SLC35A3: variants seen among roughly 807,000 people sequenced by gnomAD.
SLC35A3 encodes the protein UDP-N-acetylglucosamine transporter.
SLC35A3 carries 26 observed loss-of-function variants against 39.0 expected under a neutral mutation model. That is an observed-to-expected ratio of 0.67 (90% CI 0.49 to 0.92). The LOEUF is 0.92. Ranked by LOEUF, SLC35A3 falls within the 40% of genes least tolerant of loss-of-function variation. SLC35A3 has a pLI of 0.00. For synonymous variants in SLC35A3, 135 were observed against 133.1 expected, an observed-to-expected ratio of 1.01 and a Z score of -0.10; for missense variants, 299 against 371.6, an observed-to-expected ratio of 0.80 and a Z score of 1.61.
At chr1:99,979,184 T>A (rs1045296754) in intron 1 of SLC35A3, 1 of 152,200 alleles carries the variant, frequency 6.6e-6, no homozygotes, top group Non-Finnish European at 1.5e-5. Flanking sequence ...TCTCTCACAG[T>A]TCTGGAGACC....
chr1:99,984,197 C>T (rs1657619353), intron 1 of SLC35A3, among the ~76,000 whole-genome samples: 1 of 152,054 alleles, frequency 6.6e-6, no homozygotes, highest in African/African-American at 2.4e-5. Context: ...AGCATAAAAA[C>T]ACTTGTGTCT....
At chr1:99,993,917 T>C (rs570792104) in intron 2 of SLC35A3, among the ~76,000 whole-genome samples, 176 bp downstream of exon 2, 1 of 152,216 alleles carries the variant, frequency 6.6e-6, no homozygotes, top group Non-Finnish European at 1.5e-5. Context: ...CATTTTAATC[T>C]GTATCATGAT....
rs1570633692 is a variant in SLC35A3 at position 100,022,767 on chromosome 1, A to G, written c.*291A>G. 7 of 209,890 alleles carry G rather than the reference A, an allele frequency of 3.3e-5. No individual in the cohort carries two copies. The East Asian group carries it at 7.2e-4, about 22-fold the overall frequency. 13.0% of individuals were successfully genotyped at this position (209,890 alleles called of 1,614,324 possible). ...TTTTTGATTGCTGCAGAAATGTCCT[A>G]TGCACTCTTTGCAAGAGCACACAAC... is the stretch of plus-strand genomic sequence containing the variant. On this transcript the variant is annotated 3_prime_UTR_variant, in exon 8 of 8. Coordinates refer to ENST00000533028, the MANE Select transcript of SLC35A3 (RefSeq NM_012243.3).
intron 7 of SLC35A3, among the ~76,000 whole-genome samples, chr1:100,021,903 A>G (rs1660575173): frequency 1.3e-5 from 2 of 152,210 alleles, no homozygotes; most frequent in African/African-American, 4.8e-5. Flanking sequence ...TTGGTTTAAC[A>G]TGACAGAATA....
chr1:99,983,620 A>G (rs569964991), intron 1 of SLC35A3, among the ~76,000 whole-genome samples: 24 of 151,940 alleles, frequency 1.6e-4, no homozygotes, highest in African/African-American at 5.5e-4. Context: ...CAATAGGGAA[A>G]TATATTATTT....
In SLC35A3 at chr1:100,026,454, G is replaced by A. The variant is rs1660915981; in HGVS notation, c.*3978G>A. ...TTACCAAATACCTGATTTTTCTGGAGGGTGTTCCTGTAATTCACAACTGTA... is the reference window on the plus strand; with the variant it reads ...TTACCAAATACCTGATTTTTCTGGAAGGTGTTCCTGTAATTCACAACTGTA... On this transcript the variant is annotated 3_prime_UTR_variant, in exon 8 of 8. Transcript: ENST00000533028. 1 of 152,144 alleles carries A rather than the reference G, an allele frequency of 6.6e-6. No homozygotes were observed. Among genetic ancestry groups the A allele is most frequent in the South Asian group, 2.1e-4 (1 of 4,826 alleles). The allele number at this position is 152,144 out of a possible 1,614,324, so 9.4% of individuals were successfully genotyped here. A position where few individuals can be genotyped will look rare whatever the true frequency, so the allele number is the denominator to read the frequency against.
intron 4 of SLC35A3, among the ~76,000 whole-genome samples, chr1:100,010,483 A>G (rs1333227607): frequency 6.6e-6 from 1 of 152,152 alleles, no homozygotes; most frequent in Admixed American, 6.5e-5. Context: ...GCTTGAGCCC[A>G]GGAGTTTGAG....
intron 1 of SLC35A3, among the ~76,000 whole-genome samples, chr1:99,991,038 G>A (rs1006493340): frequency 1.3e-5 from 2 of 152,208 alleles, no homozygotes; most frequent in African/African-American, 4.8e-5. Flanking sequence ...AAGCCACCCA[G>A]TCTATGATAC....
chr1:100,035,233 T>C lies in SLC35A3; in HGVS notation c.*12757T>C, dbSNP rs1448418554. 6.6e-6 allele frequency: 1 copy of C among 152,224 alleles called. No individual in the cohort carries two copies. The highest frequency in any genetic ancestry group is 1.5e-5 in the Non-Finnish European group (1 of 68,032). The allele number at this position is 152,224 out of a possible 1,614,324, so 9.4% of individuals were successfully genotyped here. On this transcript the variant is annotated 3_prime_UTR_variant, in exon 8 of 8. Coordinates refer to ENST00000533028, the MANE Select transcript of SLC35A3 (RefSeq NM_012243.3). Reference sequence around the variant, plus strand: ...GTACTTAATACAATGTAATGCTGTGTAGTCATACTGTATTTTTTACTTGTA... The same window carrying C: ...GTACTTAATACAATGTAATGCTGTGCAGTCATACTGTATTTTTTACTTGTA...
intron 1 of SLC35A3, chr1:99,993,047 A>G (rs1658181060): frequency 6.5e-6 from 1 of 153,004 alleles, no homozygotes; most frequent in African/African-American, 2.4e-5. Flanking sequence ...AACCAGTTGA[A>G]AAGATTTTAT....
intron 1 of SLC35A3, among the ~76,000 whole-genome samples, chr1:99,989,377 G>A (rs761620953): frequency 2.0e-5 from 3 of 152,062 alleles, no homozygotes; most frequent in African/African-American, 4.8e-5. Flanking sequence ...TCCATCTCTC[G>A]GGTTCAAGCA....
rs143297934 is a variant in SLC35A3, at chr1:100,011,683, A to ATTATTTAT, written c.634+197_634+204dup. Reference sequence around the variant, plus strand: ...ATGCTCTTGTCTTTTAAAACATTTTATTATTTATTTATTTATTTATTTATT... The same window carrying ATTATTTAT: ...ATGCTCTTGTCTTTTAAAACATTTTATTATTTATTTATTTATTTATTTATTTATTTATT... On this transcript the variant is annotated intron_variant, in intron 5 of 7. Transcript: ENST00000533028. The ATTATTTAT allele has an allele frequency of 1.7e-3, 282 of 170,058 alleles. 2 individuals are homozygous for ATTATTTAT. The highest frequency in any genetic ancestry group is 3.5e-3 in the African/African-American group (137 of 38,804). 10.5% of individuals were successfully genotyped at this position (170,058 alleles called of 1,614,324 possible).
chr1:99,997,129 C>T (rs1477611533), intron 2 of SLC35A3, among the ~76,000 whole-genome samples: 2 of 151,806 alleles, frequency 1.3e-5, no homozygotes, highest in African/African-American at 4.8e-5. Context: ...CACTTTCAAT[C>T]CCTTTCTCCC....
At chr1:99,988,709 C>CAGAA (rs1657898562) in intron 1 of SLC35A3, among the ~76,000 whole-genome samples, 1 of 141,956 alleles carries the variant, frequency 7.0e-6, no homozygotes, top group South Asian at 2.5e-4. Flanking sequence ...CTGTCTTTCT[C>CAGAA]CCCTTGGTCT....
Position 100,013,507 on chromosome 1 carries a change from G to A in SLC35A3, c.635-1795G>A, listed in dbSNP as rs960743631. ...GTGTGCCTGTGGTCCAAGCTACTTC[G>A]GAGGCTGAGGTGGGAGGATCGCTTG... On this transcript the variant is annotated intron_variant, in intron 5 of 7. Transcript: ENST00000533028. Among the ~76,000 whole-genome samples, 19 of 151,056 alleles carry A rather than the reference G, an allele frequency of 1.3e-4. No individual in the cohort carries two copies. The East Asian group carries it at 1.5e-3, about 12-fold the overall frequency.
intron 1 of SLC35A3, among the ~76,000 whole-genome samples, chr1:99,990,464 C>T (rs1402367068): frequency 3.3e-5 from 5 of 152,064 alleles, no homozygotes; most frequent in African/African-American, 4.8e-5. Flanking sequence ...ATTCCAGCTA[C>T]TCGGGAGGCT....
At position 99,993,572 on chromosome 1, in the gene SLC35A3, A is replaced by G; in HGVS notation, c.18A>G (p.Lys6=). MFANL[K]YVSLGILVFQ... is the part of the protein sequence containing the mutation. ...ATAAAACAATGTTCGCCAACCTAAA[A>G]TACGTTTCCCTGGGAATTTTGGTCT... The change falls in exon 2 of 8, where the codon AAA becomes AAG. Residue 6 remains lysine, a synonymous_variant. Coordinates refer to ENST00000533028, the MANE Select transcript of SLC35A3 (RefSeq NM_012243.3). The G allele has an allele frequency of 1.2e-6, 2 of 1,613,910 alleles. No homozygotes were observed. The highest frequency in any genetic ancestry group is 1.7e-6 in the Non-Finnish European group (2 of 1,179,926).
intron 1 of SLC35A3, among the ~76,000 whole-genome samples, chr1:99,987,088 G>A (rs944848088): frequency 8.5e-5 from 13 of 152,212 alleles, no homozygotes; most frequent in Non-Finnish European, 1.6e-4. Context: ...GCACCAGGAT[G>A]TCCTGGAATT....
rs571306005 is a variant in SLC35A3, at chr1:100,030,249, T to C, written c.*7773T>C. The C allele has an allele frequency of 3.3e-5, 5 of 152,376 alleles. No individual in the cohort carries two copies. The East Asian group carries it at 7.7e-4, about 23-fold the overall frequency. The allele number at this position is 152,376 out of a possible 1,614,324, so 9.4% of individuals were successfully genotyped here. ...ATAACATGGTGTTCTTTTGGAAATA[T>C]ACAGTTTATCTTAGATATACACTTT... On this transcript the variant is annotated 3_prime_UTR_variant, in exon 8 of 8. Coordinates refer to ENST00000533028, the MANE Select transcript of SLC35A3 (RefSeq NM_012243.3).
Sources: gnomAD v4.1 joint callset for allele counts (sites outside exome capture counted in the v4.1 genomes callset) on GRCh38, gnomAD v4.1.1 for gene constraint, MANE v1.5 for transcripts, NCBI Gene and HGNC (gene_info 2026-07-23, HGNC 2026-07-21) for gene names.